The following RNF144B variants were observed in gnomAD, a reference collection of about 807,000 sequenced individuals.
RNF144B encodes E3 ubiquitin-protein ligase RNF144B.
A neutral mutation model predicts 40.2 loss-of-function variants in RNF144B; 25 were observed. The ratio of observed to expected loss-of-function variants is 0.62; its 90% CI spans 0.45 to 0.87. The LOEUF (loss-of-function observed/expected upper bound fraction) is 0.87. Among genes scored for constraint, RNF144B ranks in the 40% least tolerant of loss-of-function variants. RNF144B has a pLI of 0.00. For missense variants in RNF144B, 365 were observed against 373.7 expected, an observed-to-expected ratio of 0.98 and a Z score of 0.19; for synonymous variants, 145 against 136.3, an observed-to-expected ratio of 1.06 and a Z score of -0.44.
chr6:18,453,446 TTTTG>T (rs1377313443), intron 4 of RNF144B, among the ~76,000 whole-genome samples: 4 of 152,070 alleles, frequency 2.6e-5, no homozygotes, highest in Admixed American at 1.3e-4. Context: ...CCTGCTTTTT[TTTTG>T]TTTGTTTTTT....
intron 4 of RNF144B, among the ~76,000 whole-genome samples, chr6:18,451,519 G>C (rs1048622783): frequency 1.1e-4 from 16 of 152,138 alleles, no homozygotes; most frequent in African/African-American, 3.4e-4. Flanking sequence ...AAAGGAGAAG[G>C]GACCATGAGA....
Position 18,406,159 on chromosome 6 carries a change from T to G in RNF144B, c.165+6460T>G. The G allele has an allele frequency of 1.9e-6, 1 of 519,012 alleles. No homozygotes were observed. The highest frequency in any genetic ancestry group is 3.8e-6 in the Non-Finnish European group (1 of 259,878). 32.2% of individuals were successfully genotyped at this position (519,012 alleles called of 1,614,324 possible). Reference sequence around the variant, plus strand: ...TTTTCAAATAACTCAACTTTTCGTATGAGACATAGATGCTAACAAGTAAAT... The same window carrying G: ...TTTTCAAATAACTCAACTTTTCGTAGGAGACATAGATGCTAACAAGTAAAT... On this transcript the variant is annotated intron_variant, in intron 2 of 7. Coordinates refer to ENST00000259939, the MANE Select transcript of RNF144B (RefSeq NM_182757.4). This position sits in a 1 kb window ranked among gnomAD's most constrained non-coding sequence, Gnocchi z 4.2.
intron 2 of RNF144B, among the ~76,000 whole-genome samples, chr6:18,417,419 A>G (rs958787980): frequency 6.6e-6 from 1 of 152,192 alleles, no homozygotes; most frequent in Non-Finnish European, 1.5e-5. Flanking sequence ...AAATAAATAA[A>G]TAAATCTTAT....
Position 18,422,945 on chromosome 6 carries a change from C to T in RNF144B, c.166-4636C>T, listed in dbSNP as rs986921017. The stretch of plus-strand genomic sequence containing the variant: ...GCACCCTGGGCAACAGAGCAAGACC[C>T]AGTCTCAAAAAAAAAAAAAAATCAA... On this transcript the variant is annotated intron_variant, in intron 2 of 7. Coordinates refer to ENST00000259939, the MANE Select transcript of RNF144B (RefSeq NM_182757.4). This position sits in a 1 kb window ranked among gnomAD's most constrained non-coding sequence, Gnocchi z 4.7. Among the ~76,000 whole-genome samples, 7 of 110,388 alleles carry T rather than the reference C, an allele frequency of 6.3e-5. No homozygotes were observed. Among genetic ancestry groups the T allele is most frequent in the Non-Finnish European group, 1.3e-4 (7 of 52,840 alleles). 72.4% of individuals were successfully genotyped at this position (110,388 alleles called of 152,430 possible).
intron 4 of RNF144B, among the ~76,000 whole-genome samples, chr6:18,449,170 A>G (rs1759152548): frequency 6.6e-6 from 1 of 152,186 alleles, no homozygotes; most frequent in Non-Finnish European, 1.5e-5. Flanking sequence ...AAATTCACCT[A>G]CTTTATTACA....
chr6:18,464,491 G>T lies in RNF144B; in HGVS notation c.772-436G>T, dbSNP rs544122749. ...TGTGCCTGAGATGATGTCTTGTTCA[G>T]GCTGCTATAACAAATGACCATAGAC... On this transcript the variant is annotated intron_variant, in intron 7 of 7. Coordinates refer to ENST00000259939, the MANE Select transcript of RNF144B (RefSeq NM_182757.4). This position sits in a 1 kb window ranked among gnomAD's most constrained non-coding sequence, Gnocchi z 6.1. 6.6e-6 allele frequency among the ~76,000 whole-genome samples: 1 copy of T among 152,308 alleles called. No homozygotes were observed. Among genetic ancestry groups the T allele is most frequent in the East Asian group, 1.9e-4 (1 of 5,170 alleles).
At position 18,406,457 on chromosome 6, in the gene RNF144B, A is replaced by AGTGTGTGTGTGT. The variant is rs58124564; in HGVS notation, c.165+6791_165+6802dup. Among the ~76,000 whole-genome samples, 412 of 130,990 alleles carry AGTGTGTGTGTGT rather than the reference A, an allele frequency of 3.1e-3. 3 individuals carry two copies. Among genetic ancestry groups the AGTGTGTGTGTGT allele is most frequent in the South Asian group, 0.014 (51 of 3,632 alleles). 85.9% of individuals were successfully genotyped at this position (130,990 alleles called of 152,430 possible). A position where few individuals can be genotyped will look rare whatever the true frequency, so the allele number is the denominator to read the frequency against. On this transcript the variant is annotated intron_variant, in intron 2 of 7. Coordinates refer to ENST00000259939, the MANE Select transcript of RNF144B (RefSeq NM_182757.4). This position sits in a 1 kb window ranked among gnomAD's most constrained non-coding sequence, Gnocchi z 4.2. ...CAAAGGAGGCTGGTGTGGCTGGAAA[A>AGTGTGTGTGTGT]GTGTGTGTGTGTGTGTGTGTGTGTG...
At chr6:18,451,600 T>C (rs1254570172) in intron 4 of RNF144B, among the ~76,000 whole-genome samples, 1 of 152,150 alleles carries the variant, frequency 6.6e-6, no homozygotes, top group Non-Finnish European at 1.5e-5. Flanking sequence ...AGAGATGGAT[T>C]TGGAAACATT....
At chr6:18,392,266 A>G (rs1166526544) in intron 1 of RNF144B, among the ~76,000 whole-genome samples, 2 of 152,160 alleles carry the variant, frequency 1.3e-5, no homozygotes, top group Non-Finnish European at 2.9e-5. Context: ...TTAGCTTATC[A>G]CAACGTCATG....
At chr6:18,390,246 T>A (rs554306512) in intron 1 of RNF144B, among the ~76,000 whole-genome samples, 1 of 152,242 alleles carries the variant, frequency 6.6e-6, no homozygotes, top group Non-Finnish European at 1.5e-5. Context: ...GACACCTAAG[T>A]TAATTTATGT....
rs1042424246 is a variant in RNF144B at position 18,419,221 on chromosome 6, C to T, written c.166-8360C>T. Reference sequence around the variant, plus strand: ...GTCCATCCACCCCTCCTCCTCCTGCCTATGGCTTTTTATTAAGGATACCCT... The same window carrying T: ...GTCCATCCACCCCTCCTCCTCCTGCTTATGGCTTTTTATTAAGGATACCCT... On this transcript the variant is annotated intron_variant, in intron 2 of 7. Transcript: ENST00000259939. The surrounding 1 kb of genome is among the most constrained non-coding windows in gnomAD (Gnocchi z 4.6). 2.6e-5 allele frequency among the ~76,000 whole-genome samples: 4 copies of T among 152,152 alleles called. No individual in the cohort carries two copies. The highest frequency in any genetic ancestry group is 9.6e-5 in the African/African-American group (4 of 41,452).
At position 18,401,376 on chromosome 6, in the gene RNF144B, A is replaced by G. The variant is rs1325374686; in HGVS notation, c.165+1677A>G. ...ACAGTTAGCTTTTTCAGTCATCTAG[A>G]TTCACACTTCCTCATTGTTAGGGAG... is the stretch of plus-strand genomic sequence containing the variant. On this transcript the variant is annotated intron_variant, in intron 2 of 7. Coordinates refer to ENST00000259939, the MANE Select transcript of RNF144B (RefSeq NM_182757.4). Among the ~76,000 whole-genome samples, 4 of 152,170 alleles carry G rather than the reference A, an allele frequency of 2.6e-5. No individual in the cohort carries two copies. In the East Asian group the frequency reaches 7.7e-4, roughly 29 times the overall value.
chr6:18,446,045 C>T lies in RNF144B; in HGVS notation c.331+6301C>T, dbSNP rs549666095. Among the ~76,000 whole-genome samples, 1 of 152,300 alleles carries T rather than the reference C, an allele frequency of 6.6e-6. No homozygotes were observed. Among genetic ancestry groups the T allele is most frequent in the South Asian group, 2.1e-4 (1 of 4,820 alleles). On this transcript the variant is annotated intron_variant, in intron 4 of 7. Coordinates refer to ENST00000259939, the MANE Select transcript of RNF144B (RefSeq NM_182757.4). The surrounding 1 kb of genome is among the most constrained non-coding windows in gnomAD (Gnocchi z 4.7). Reference sequence around the variant, plus strand: ...TGTGAGAAGAGAATGAGAAGAACAGCTCTTCATGTGATAGCAATCTGACTT... The same window carrying T: ...TGTGAGAAGAGAATGAGAAGAACAGTTCTTCATGTGATAGCAATCTGACTT...
rs1759144290 is a variant in RNF144B at position 18,448,886 on chromosome 6, C to A, written c.332-8269C>A. ...GATAAAGAATATAGATTTGTTTGTC[C>A]CTTTCAAAGAGTTTAAAGTCACACA... On this transcript the variant is annotated intron_variant, in intron 4 of 7. Transcript: ENST00000259939. This position sits in a 1 kb window ranked among gnomAD's most constrained non-coding sequence, Gnocchi z 4.0. Among the ~76,000 whole-genome samples the A allele has an allele frequency of 6.6e-6, 1 of 152,062 alleles. No individual in the cohort carries two copies. Among genetic ancestry groups the A allele is most frequent in the Non-Finnish European group, 1.5e-5 (1 of 68,004 alleles).
In RNF144B at chr6:18,399,493, C is replaced by T. The variant is rs1162267555; in HGVS notation, c.-36-6C>T. ...ATAATATTTTCTGCTTTGGACCTTT[C>T]TATAGGGATTGAGGAGACTGAAGAA... On this transcript the variant is annotated splice_region_variant and splice_polypyrimidine_tract_variant and intron_variant, in intron 1 of 7. Transcript: ENST00000259939. 1.2e-6 allele frequency: 2 copies of T among 1,602,168 alleles called. No homozygotes were observed. Among genetic ancestry groups the T allele is most frequent in the Admixed American group, 3.4e-5 (2 of 59,048 alleles).
At chr6:18,407,151 A>AAC (rs765072338) in intron 2 of RNF144B, among the ~76,000 whole-genome samples, 12 of 152,216 alleles carry the variant, frequency 7.9e-5, no homozygotes, top group East Asian at 3.9e-4. Context: ...CTTATCCAGA[A>AAC]ACACACACAC....
chr6:18,407,886 A>G (rs1247257938), intron 2 of RNF144B, among the ~76,000 whole-genome samples: 2 of 152,092 alleles, frequency 1.3e-5, no homozygotes, highest in Non-Finnish European at 2.9e-5. Context: ...AATTCTGTCA[A>G]TAACTCTATG....
intron 1 of RNF144B, among the ~76,000 whole-genome samples, chr6:18,390,639 A>G (rs1288862204): frequency 6.6e-6 from 1 of 152,210 alleles, no homozygotes; most frequent in East Asian, 1.9e-4. Context: ...TGAAGTCACG[A>G]GTTTGAGTCC....
rs1794915131 is a variant in RNF144B, at chr6:18,406,606, G to T, written c.165+6907G>T. ...ATTTCCAGTCCAAGTCTGAAGGCTT[G>T]AGAACTAAGAGAGCCAGTGGTATAA... On this transcript the variant is annotated intron_variant, in intron 2 of 7. Transcript: ENST00000259939. The surrounding 1 kb of genome is among the most constrained non-coding windows in gnomAD (Gnocchi z 4.2). Among the ~76,000 whole-genome samples, 1 of 151,918 alleles carries T rather than the reference G, an allele frequency of 6.6e-6. No homozygotes were observed. Among genetic ancestry groups the T allele is most frequent in the Non-Finnish European group, 1.5e-5 (1 of 67,986 alleles).
Sources: gnomAD v4.1 joint callset for allele counts (sites outside exome capture counted in the v4.1 genomes callset) on GRCh38, gnomAD v4.1.1 for gene constraint, Gnocchi (gnomAD v3.1) non-coding constraint, MANE v1.5 for transcripts, NCBI Gene and HGNC (gene_info 2026-07-23, HGNC 2026-07-21) for gene names.